The following CSMD3 variants were observed in gnomAD, a reference collection of about 807,000 sequenced individuals.
The protein encoded by CSMD3 is CUB and sushi domain-containing protein 3.
In CSMD3, 177 loss-of-function variants were observed where a neutral mutation model predicts 435.2. That is an observed-to-expected ratio of 0.41 (90% CI 0.36 to 0.46). CSMD3 has a LOEUF of 0.46. Among genes scored for constraint, CSMD3 ranks in the 20% least tolerant of loss-of-function variants. The pLI is 0.34. For synonymous variants in CSMD3, 1,656 were observed against 1,520.5 expected (o/e 1.09, Z -2.07); for missense variants, 4,265 against 4,504.6 (o/e 0.95, Z 1.52).
rs868311408 is a variant in CSMD3, at chr8:112,933,162, G to A, written c.1509-11411C>T. 7.4e-4 allele frequency among the ~76,000 whole-genome samples: 113 copies of A among 152,078 alleles called. 1 individual carries two copies. Among genetic ancestry groups the A allele is most frequent in the Non-Finnish European group, 3.2e-4 (22 of 67,974 alleles). ...GCTATAAAATTCAAGAAGTCTCTAA[G>A]AATAGATATGGTGCTAAAATACAAA... On this transcript the variant is annotated intron_variant, in intron 9 of 70. Coordinates refer to ENST00000297405, the MANE Select transcript of CSMD3 (RefSeq NM_198123.2).
intron 10 of CSMD3, among the ~76,000 whole-genome samples, chr8:112,873,404 G>T (rs2130079405): frequency 6.6e-6 from 1 of 152,030 alleles, no homozygotes; most frequent in Non-Finnish European, 1.5e-5. Context: ...TACTTCCATA[G>T]CTTTTCACAT....
intron 1 of CSMD3, among the ~76,000 whole-genome samples, chr8:113,367,932 T>C (rs901085248): frequency 3.3e-5 from 5 of 152,102 alleles, no homozygotes; most frequent in Non-Finnish European, 5.9e-5. Flanking sequence ...TATTTATTTA[T>C]TTACATGTGT....
chr8:112,486,157 T>A (rs1041428159), intron 31 of CSMD3, among the ~76,000 whole-genome samples: 13 of 151,602 alleles, frequency 8.6e-5, no homozygotes, highest in Non-Finnish European at 1.9e-4. Context: ...TTAATTCTCA[T>A]ACTTAGCCTG....
At chr8:112,362,212 CAAATATTTTGTCAAAT>C (rs1554653695) in intron 38 of CSMD3, among the ~76,000 whole-genome samples, 1 of 151,878 alleles carries the variant, frequency 6.6e-6, no homozygotes, top group Non-Finnish European at 1.5e-5. Context: ...ATCTACTAAA[CAAATATTTTGTCAAAT>C]ACCTAATCAT....
At chr8:113,048,718 A>G (rs2087951123) in intron 5 of CSMD3, among the ~76,000 whole-genome samples, 1 of 152,162 alleles carries the variant, frequency 6.6e-6, no homozygotes, top group Non-Finnish European at 1.5e-5. Context: ...CAGTATTAAG[A>G]TGACAGCAGA....
intron 7 of CSMD3, among the ~76,000 whole-genome samples, chr8:112,964,130 G>A (rs2084331917): frequency 6.6e-6 from 1 of 151,980 alleles, no homozygotes; most frequent in South Asian, 2.1e-4. Context: ...TTCAAAAAAT[G>A]TAGAAATGGA....
intron 13 of CSMD3, among the ~76,000 whole-genome samples, chr8:112,779,644 A>C (rs2078334138): frequency 6.6e-6 from 1 of 152,090 alleles, no homozygotes; most frequent in Non-Finnish European, 1.5e-5. Context: ...CCATCAAATG[A>C]TGCAATGCCA....
chr8:113,077,350 A>C (rs111546101), intron 5 of CSMD3, among the ~76,000 whole-genome samples: 3 of 152,102 alleles, frequency 2.0e-5, no homozygotes, highest in African/African-American at 4.8e-5. Flanking sequence ...AAAGCAAAAA[A>C]AAAATAAAAT....
Position 112,292,524 on chromosome 8 carries a change from C to A in CSMD3, c.8788+13G>T. 6.2e-7 allele frequency: 1 copy of A among 1,613,052 alleles called. No individual in the cohort carries two copies. The highest frequency in any genetic ancestry group is 8.5e-7 in the Non-Finnish European group (1 of 1,179,106). On this transcript the variant is annotated intron_variant, in intron 55 of 70. Coordinates refer to ENST00000297405, the MANE Select transcript of CSMD3 (RefSeq NM_198123.2). The stretch of plus-strand genomic sequence containing the variant: ...TATCATGCCACCAAATGGGAATATA[C>A]TTAGACATTTACCTTTGCACATAGG...
intron 24 of CSMD3, among the ~76,000 whole-genome samples, chr8:112,569,623 A>G (rs1034421609): frequency 6.6e-6 from 1 of 152,192 alleles, no homozygotes; most frequent in Admixed American, 6.5e-5. Context: ...TGCTAACTCA[A>G]CAAAATAGAT....
intron 30 of CSMD3, among the ~76,000 whole-genome samples, chr8:112,495,659 T>A (rs59437371): frequency 8.5e-5 from 13 of 152,066 alleles, no homozygotes; most frequent in South Asian, 2.1e-4. Context: ...CTTAAAAAAA[T>A]GTCTAGGCAG....
At position 112,666,352 on chromosome 8, in the gene CSMD3, T is replaced by C; in HGVS notation, c.2741A>G (p.Tyr914Cys). 1 of 1,612,560 alleles carries C rather than the reference T, an allele frequency of 6.2e-7. No individual in the cohort carries two copies. The highest frequency in any genetic ancestry group is 1.3e-5 in the African/African-American group (1 of 74,976). ...CTCACAATTCAAAGAGTCTTTGTAG[T>C]ATCCTGGCCATCCTGGTGAGAGAAT... Reference protein sequence around the residue: ...GVILSPGWPGYYKDSLNCEWV... With the variant: ...GVILSPGWPGCYKDSLNCEWV... Residue 914 changes from tyrosine to cysteine, a missense_variant, in exon 17 of 71, where the codon TAC becomes TGC. By Grantham distance (194) the Tyr-to-Cys change is radical (BLOSUM62 -2). This residue lies in a region of CSMD3 where 279 missense variants were observed against 369.0 expected (regional missense o/e 0.76). Transcript: ENST00000297405.
intron 9 of CSMD3, 123 bp downstream of exon 9, chr8:112,947,667 C>T (rs2083660521): frequency 1.7e-6 from 1 of 579,818 alleles, no homozygotes; most frequent in Non-Finnish European, 3.1e-6. Context: ...AATAACAATA[C>T]ATTGATAAAA....
chr8:113,123,417 A>G (rs1022762889), intron 4 of CSMD3, among the ~76,000 whole-genome samples: 4 of 152,094 alleles, frequency 2.6e-5, no homozygotes, highest in African/African-American at 9.7e-5. Context: ...TCTATTGCCT[A>G]TTCTTGCAAA....
chr8:112,697,305 T>C (rs959484208), intron 13 of CSMD3, among the ~76,000 whole-genome samples: 1 of 152,118 alleles, frequency 6.6e-6, no homozygotes, highest in African/African-American at 2.4e-5. Flanking sequence ...CTATTCACAA[T>C]AGCAAAGACT....
intron 26 of CSMD3, among the ~76,000 whole-genome samples, chr8:112,551,175 C>A (rs1268078720): frequency 6.6e-6 from 1 of 152,004 alleles, no homozygotes; most frequent in Non-Finnish European, 1.5e-5. Context: ...TATAGATAAT[C>A]TTCTACATGC....
intron 10 of CSMD3, among the ~76,000 whole-genome samples, chr8:112,890,782 T>C (rs1241054311): frequency 6.6e-6 from 1 of 151,662 alleles, no homozygotes; most frequent in African/African-American, 2.4e-5. Context: ...CAATCTTCAG[T>C]CTTATTTAAT....
chr8:113,168,518 T>C (rs1205673880), intron 4 of CSMD3, among the ~76,000 whole-genome samples: 1 of 2,514 alleles, frequency 4.0e-4, no homozygotes, highest in Non-Finnish European at 6.9e-4. Context: ...AGACTCTGTC[T>C]CAAAAAAAAA....
chr8:112,949,195 G>T (rs531103930), intron 8 of CSMD3, among the ~76,000 whole-genome samples: 1 of 151,954 alleles, frequency 6.6e-6, no homozygotes, highest in South Asian at 2.1e-4. Flanking sequence ...GCTATCAGAC[G>T]ACTGCCCAAC....
Sources: gnomAD v4.1 joint callset for allele counts (sites outside exome capture counted in the v4.1 genomes callset) on GRCh38, gnomAD v4.1.1 for gene constraint, gnomAD v4.1.1 regional missense constraint, MANE v1.5 for transcripts, NCBI Gene and HGNC (gene_info 2026-07-23, HGNC 2026-07-21) for gene names.